KIAA1217: variants seen among roughly 807,000 people sequenced by gnomAD.
The protein encoded by KIAA1217 is KIAA1217.
In KIAA1217, 88 loss-of-function variants were observed where a neutral mutation model predicts 163.9. That is an observed-to-expected ratio of 0.54 (90% CI 0.45 to 0.64). KIAA1217 has a LOEUF of 0.64. KIAA1217 is among the 30% of genes least tolerant of loss of function. The pLI is 0.00. For synonymous variants in KIAA1217, 903 were observed against 923.1 expected, an observed-to-expected ratio of 0.98 and a Z score of 0.39; for missense variants, 2,372 against 2,475.0, an observed-to-expected ratio of 0.96 and a Z score of 0.88.
intron 1 of KIAA1217, among the ~76,000 whole-genome samples, chr10:23,747,768 G>A (rs996076375): frequency 1.3e-5 from 2 of 152,140 alleles, no homozygotes; most frequent in African/African-American, 4.8e-5. Flanking sequence ...TTTGCAAAAG[G>A]CCCAGCTTCT....
chr10:24,406,434 C>T (rs761622992), intron 3 of KIAA1217, among the ~76,000 whole-genome samples: 13 of 150,784 alleles, frequency 8.6e-5, no homozygotes, highest in Non-Finnish European at 1.3e-4. Flanking sequence ...ACAGGATGAA[C>T]ACACACATTG....
intron 2 of KIAA1217, chr10:24,275,867 G>A: frequency 2.3e-6 from 1 of 443,040 alleles, no homozygotes; most frequent in South Asian, 1.8e-5. Context: ...GCAAACTATA[G>A]CAAGGGCCCT....
chr10:24,450,263 T>C (rs1474255946), intron 5 of KIAA1217, among the ~76,000 whole-genome samples: 3 of 152,238 alleles, frequency 2.0e-5, no homozygotes, highest in African/African-American at 7.2e-5. Flanking sequence ...TGAAAATCAC[T>C]TTAAATTTAA....
chr10:24,353,825 A>G (rs774499878), intron 2 of KIAA1217, among the ~76,000 whole-genome samples: 5 of 152,134 alleles, frequency 3.3e-5, no homozygotes, highest in Non-Finnish European at 7.3e-5. Context: ...TTCTTCAAGA[A>G]CTCCTAGAAG....
chr10:23,736,501 C>G (rs7910474), intron 1 of KIAA1217, among the ~76,000 whole-genome samples: 29,646 of 152,048 alleles, frequency 0.19, 3,008 homozygotes, highest in Middle Eastern at 0.25. Context: ...TAATTAATCA[C>G]TACACCTTTG....
chr10:24,335,433 C>T (rs1045267931), intron 2 of KIAA1217, among the ~76,000 whole-genome samples: 1 of 151,610 alleles, frequency 6.6e-6, no homozygotes, highest in African/African-American at 2.4e-5. Context: ...GCCGAGATTA[C>T]AGGCAGGTAC....
intron 2 of KIAA1217, among the ~76,000 whole-genome samples, chr10:24,273,693 A>T (rs973804473): frequency 7.2e-5 from 11 of 151,868 alleles, no homozygotes; most frequent in African/African-American, 2.4e-4. Context: ...CTCTACTAAA[A>T]ATGCAAATAT....
At position 23,714,979 on chromosome 10, in the gene KIAA1217, G is replaced by A. The variant is rs184578608; in HGVS notation, c.-321+19745G>A. On this transcript the variant is annotated intron_variant, in intron 1 of 18. Coordinates refer to the KIAA1217 transcript ENST00000376462. The stretch of plus-strand genomic sequence containing the variant: ...TGACCCTTCATGGAAAGACAAGAAC[G>A]CTATGTGCATCATAGCCTATAATTT... Among the ~76,000 whole-genome samples the A allele has an allele frequency of 1.1e-3, 175 of 152,262 alleles. 1 individual carries two copies. Among genetic ancestry groups the A allele is most frequent in the African/African-American group, 4.1e-3 (169 of 41,554 alleles).
chr10:23,891,231 A>C (rs1431380154), intron 1 of KIAA1217, among the ~76,000 whole-genome samples: 1 of 151,970 alleles, frequency 6.6e-6, no homozygotes, highest in African/African-American at 2.4e-5. Flanking sequence ...GTTTACACTT[A>C]ATGTACCAAT....
At chr10:23,940,460 C>CAA (rs760090400) in intron 1 of KIAA1217, among the ~76,000 whole-genome samples, 697 of 45,128 alleles carry the variant, frequency 0.015, 3 homozygotes, top group Non-Finnish European at 0.02. Context: ...GACTCCGTCT[C>CAA]AAAAAAAAAA....
chr10:23,938,097 C>A (rs1365994562), intron 1 of KIAA1217, among the ~76,000 whole-genome samples: 1 of 152,128 alleles, frequency 6.6e-6, no homozygotes, highest in African/African-American at 2.4e-5. Context: ...CTTAGTATAA[C>A]CAGCATCTAT....
intron 1 of KIAA1217, among the ~76,000 whole-genome samples, chr10:23,927,379 A>T (rs893372080): frequency 2.7e-5 from 4 of 149,410 alleles, no homozygotes; most frequent in African/African-American, 1.0e-4. Flanking sequence ...TTTTCTATAC[A>T]TTGAGGTTCT....
intron 1 of KIAA1217, among the ~76,000 whole-genome samples, chr10:23,923,705 G>A (rs956825458): frequency 1.3e-5 from 2 of 152,202 alleles, no homozygotes; most frequent in African/African-American, 4.8e-5. Flanking sequence ...GCTCACAGCA[G>A]TAACCAGCCT....
rs2061257532 is a variant in KIAA1217 at position 24,073,385 on chromosome 10, A to AC, written c.-171+66011_-171+66012insC. On this transcript the variant is annotated intron_variant, in intron 2 of 18. Transcript: ENST00000376462. ...GAAGGCACTAGAAATAGTCAAGGGC[A>AC]TATTGAGCTTGAGGAATCTGAAGAA... Among the ~76,000 whole-genome samples, 3 of 152,288 alleles carry AC rather than the reference A, an allele frequency of 2.0e-5. No homozygotes were observed. In the South Asian group the frequency reaches 6.2e-4, roughly 32 times the overall value.
intron 3 of KIAA1217, among the ~76,000 whole-genome samples, chr10:24,403,348 T>C (rs1384437458): frequency 6.6e-6 from 1 of 152,174 alleles, no homozygotes; most frequent in Non-Finnish European, 1.5e-5. Flanking sequence ...GAGCAATTCT[T>C]CTGCCTCAGC....
At chr10:24,534,360 G>A (rs990871416) in intron 16 of KIAA1217, among the ~76,000 whole-genome samples, 2 of 152,178 alleles carry the variant, frequency 1.3e-5, no homozygotes, top group Admixed American at 6.5e-5. Context: ...AGAAGGCTTG[G>A]ATAATTGTTT....
chr10:24,158,736 T>C, intron 2 of KIAA1217: 1 of 499,740 alleles, frequency 2.0e-6, no homozygotes, highest in South Asian at 1.6e-5. Context: ...ATCAGGTTAT[T>C]TCTGACAGAT....
chr10:23,963,170 G>A (rs1022270532), intron 1 of KIAA1217, among the ~76,000 whole-genome samples: 1 of 152,242 alleles, frequency 6.6e-6, no homozygotes, highest in Admixed American at 6.5e-5. Context: ...GAACGTGCAG[G>A]TTTGTTATAT....
At chr10:24,468,590 C>A (rs182496464) in intron 5 of KIAA1217, among the ~76,000 whole-genome samples, 1 of 152,134 alleles carries the variant, frequency 6.6e-6, no homozygotes, top group Admixed American at 6.5e-5. Flanking sequence ...GTGACTCTTT[C>A]GGTGACCCTT....
Sources: allele counts gnomAD v4.1 joint callset (sites outside exome capture counted in the v4.1 genomes callset), GRCh38; gene constraint gnomAD v4.1.1; transcripts MANE v1.5; gene names NCBI Gene and HGNC (gene_info 2026-07-23, HGNC 2026-07-21).